Variants in TTC13 observed in about 807,000 individuals in gnomAD.
TTC13 encodes tetratricopeptide repeat domain 13.
In TTC13, 62 loss-of-function variants were observed where a neutral mutation model predicts 120.0. The observed-to-expected ratio is 0.52, with a 90% CI of 0.42 to 0.64. TTC13 has a LOEUF of 0.64. Ranked by LOEUF, TTC13 falls within the 30% of genes least tolerant of loss-of-function variation. The pLI is 0.00. For missense variants in TTC13, 824 were observed against 1,050.2 expected (o/e 0.78, Z 2.98); for synonymous variants, 384 against 393.5 (o/e 0.98, Z 0.28).
At chr1:230,967,292 A>G (rs971235848) in intron 1 of TTC13, among the ~76,000 whole-genome samples, 1 of 152,208 alleles carries the variant, frequency 6.6e-6, no homozygotes, top group Non-Finnish European at 1.5e-5. Flanking sequence ...ACTTTTGATG[A>G]TAAAACTTTT....
chr1:230,950,858 C>G (rs1248743472), intron 4 of TTC13, among the ~76,000 whole-genome samples: 1 of 152,184 alleles, frequency 6.6e-6, no homozygotes, highest in Non-Finnish European at 1.5e-5. Flanking sequence ...AGGACCAAAG[C>G]AGCACAGAAA....
Position 230,940,687 on chromosome 1 carries a change from C to G in TTC13, c.673-131G>C. 1.6e-6 allele frequency: 1 copy of G among 641,508 alleles called. No individual in the cohort carries two copies. Among genetic ancestry groups the G allele is most frequent in the Non-Finnish European group, 2.8e-6 (1 of 359,442 alleles). 39.7% of individuals were successfully genotyped at this position (641,508 alleles called of 1,614,324 possible). ...ACTCTCAGCAGGCTGCAATCCTTGA[C>G]CCCCTATATTATGCGGTGGGGTTCA... On this transcript the variant is annotated intron_variant, in intron 6 of 22. Transcript: ENST00000366661. The surrounding 1 kb of genome is among the most constrained non-coding windows in gnomAD (Gnocchi z 4.1).
chr1:230,978,597 G>C lies in TTC13; in HGVS notation c.234C>G (p.Ser78=). ...PAGGGGCSPQ[S]GDWGDQYSAE... ...CAGAGTACTGGTCCCCCCAGTCCCC[G>C]GACTGCGGGCTGCAGCCGCCGCCGC... Residue 78 remains serine (S), a synonymous_variant, in exon 1 of 23, where the codon TCC becomes TCG. Coordinates refer to ENST00000366661, the MANE Select transcript of TTC13 (RefSeq NM_024525.5). This position sits in a 1 kb window ranked among gnomAD's most constrained non-coding sequence, Gnocchi z 5.6. The C allele has an allele frequency of 1.4e-6, 2 of 1,412,062 alleles. No homozygotes were observed. Among genetic ancestry groups the C allele is most frequent in the Non-Finnish European group, 1.9e-6 (2 of 1,069,010 alleles). The allele number at this position is 1,412,062 out of a possible 1,614,324, so 87.5% of individuals were successfully genotyped here.
intron 1 of TTC13, among the ~76,000 whole-genome samples, chr1:230,977,252 C>T (rs1024336906): frequency 3.3e-5 from 5 of 152,188 alleles, no homozygotes; most frequent in African/African-American, 1.2e-4. Context: ...AGCAAGCACT[C>T]AATATATGTC....
At chr1:230,969,731 C>T (rs10779801) in intron 1 of TTC13, among the ~76,000 whole-genome samples, 1 of 152,026 alleles carries the variant, frequency 6.6e-6, no homozygotes, top group Non-Finnish European at 1.5e-5. Flanking sequence ...TCCTTTAGTA[C>T]GTCTTAGCCT....
chr1:230,931,986 G>A, intron 9 of TTC13, 109 bp from the exon 10 acceptor site: 1 of 1,071,270 alleles, frequency 9.3e-7, no homozygotes, highest in Non-Finnish European at 1.3e-6. Flanking sequence ...ACCTTGATGG[G>A]AGTGTTCCCT....
Position 230,945,385 on chromosome 1 carries a change from T to C in TTC13, c.579+4A>G. On this transcript the variant is annotated splice_donor_region_variant and intron_variant, in intron 5 of 22. Transcript: ENST00000366661. Reference sequence around the variant, plus strand: ...TATGGCAATCGTAACTATTACATACTCACATGTAGTCCCTTCTTTCCATAG... The same window carrying C: ...TATGGCAATCGTAACTATTACATACCCACATGTAGTCCCTTCTTTCCATAG... The C allele has an allele frequency of 6.2e-7, 1 of 1,613,532 alleles. No individual in the cohort carries two copies. The highest frequency in any genetic ancestry group is 8.5e-7 in the Non-Finnish European group (1 of 1,179,448).
intron 11 of TTC13, among the ~76,000 whole-genome samples, chr1:230,929,613 C>A (rs980813282): frequency 1.3e-5 from 2 of 151,948 alleles, no homozygotes; most frequent in Admixed American, 1.3e-4. Context: ...CGCGCCTGGC[C>A]TAGTTTGGCT....
chr1:230,966,228 T>C (rs192303490), intron 1 of TTC13, among the ~76,000 whole-genome samples: 2 of 152,286 alleles, frequency 1.3e-5, no homozygotes, highest in Admixed American at 6.5e-5. Flanking sequence ...TACATACATT[T>C]TAATATAAAA....
At chr1:230,935,917 A>G (rs934799953) in intron 8 of TTC13, among the ~76,000 whole-genome samples, 2 of 152,080 alleles carry the variant, frequency 1.3e-5, no homozygotes, top group Non-Finnish European at 2.9e-5. Flanking sequence ...ACTACAACAG[A>G]GTTTGGTGGC....
At chr1:230,950,720 C>A (rs1675492358) in intron 4 of TTC13, among the ~76,000 whole-genome samples, 1 of 152,160 alleles carries the variant, frequency 6.6e-6, no homozygotes, top group Admixed American at 6.5e-5. Context: ...AAGTAATATT[C>A]TTTTACAAGT....
Position 230,925,501 on chromosome 1 carries a change from G to T in TTC13, c.1588+16C>A. On this transcript the variant is annotated intron_variant, in intron 13 of 22. Transcript: ENST00000366661. ...ATGCCAGGAATATTTTCATTTTCAG[G>T]TAGTTTCCAGAATACCTCTGTGTAT... The T allele has an allele frequency of 6.2e-7, 1 of 1,613,184 alleles. No homozygotes were observed. Among genetic ancestry groups the T allele is most frequent in the Non-Finnish European group, 8.5e-7 (1 of 1,179,478 alleles).
At position 230,961,190 on chromosome 1, in the gene TTC13, A is replaced by G. The variant is rs1271732594; in HGVS notation, c.366+19T>C. 1.2e-6 allele frequency: 2 copies of G among 1,601,476 alleles called. No individual in the cohort carries two copies. Among genetic ancestry groups the G allele is most frequent in the Non-Finnish European group, 1.7e-6 (2 of 1,169,968 alleles). On this transcript the variant is annotated intron_variant, in intron 2 of 22. Coordinates refer to ENST00000366661, the MANE Select transcript of TTC13 (RefSeq NM_024525.5). ...GGGCTTCAGGTTACAAAAACAGAAC[A>G]CAGAGAGAAGATGCATACCAGAATC...
At chr1:230,925,858 G>A in intron 12 of TTC13, among the ~76,000 whole-genome samples, 1 of 152,150 alleles carries the variant, frequency 6.6e-6, no homozygotes, top group East Asian at 1.9e-4. Context: ...TCACATGCTG[G>A]TTAGTAACAG....
chr1:230,953,774 T>C (rs1213637776), intron 4 of TTC13, among the ~76,000 whole-genome samples: 2 of 152,234 alleles, frequency 1.3e-5, no homozygotes, highest in Admixed American at 6.5e-5. Context: ...GCAACTCTTA[T>C]ACATGCAGTG....
intron 12 of TTC13, among the ~76,000 whole-genome samples, chr1:230,927,410 A>G (rs540908303): frequency 1.5e-4 from 23 of 152,230 alleles, no homozygotes; most frequent in African/African-American, 5.5e-4. Context: ...ACTTCGTAAC[A>G]TTTGCTCATC....
chr1:230,919,450 T>C (rs1672364558), intron 17 of TTC13, among the ~76,000 whole-genome samples: 1 of 152,170 alleles, frequency 6.6e-6, no homozygotes, highest in Non-Finnish European at 1.5e-5. Flanking sequence ...CATTAAACAC[T>C]TCCTGTTAGG....
chr1:230,912,335 G>A lies in TTC13; in HGVS notation c.2229+288C>T, dbSNP rs546906910. ...GAAGGGAAGAAAATGGAAGAAAAAG[G>A]TGAAGCCCAGGTCATTTTCATTATG... is the stretch of plus-strand genomic sequence containing the variant. On this transcript the variant is annotated intron_variant, in intron 19 of 22. Transcript: ENST00000366661. Among the ~76,000 whole-genome samples, 6 of 152,264 alleles carry A rather than the reference G, an allele frequency of 3.9e-5. No homozygotes were observed. In the East Asian group the frequency reaches 1.2e-3, roughly 29 times the overall value.
intron 1 of TTC13, among the ~76,000 whole-genome samples, chr1:230,970,010 G>A (rs917999844): frequency 2.6e-5 from 4 of 152,110 alleles, no homozygotes; most frequent in Non-Finnish European, 1.5e-5. Flanking sequence ...TAGATACAAG[G>A]CACACTGTGC....
Sources: gnomAD v4.1 joint callset for allele counts (sites outside exome capture counted in the v4.1 genomes callset) on GRCh38, gnomAD v4.1.1 for gene constraint, Gnocchi (gnomAD v3.1) non-coding constraint, MANE v1.5 for transcripts, NCBI Gene and HGNC (gene_info 2026-07-23, HGNC 2026-07-21) for gene names.